Variants in TMEM178B observed in about 807,000 individuals in gnomAD.
TMEM178B encodes the protein transmembrane protein 178B.
A neutral mutation model predicts 31.0 loss-of-function variants in TMEM178B; 5 were observed. The observed-to-expected ratio is 0.16, with a 90% CI of 0.08 to 0.34. The LOEUF is 0.34. Ranked by LOEUF, TMEM178B falls within the 10% of genes least tolerant of loss-of-function variation. TMEM178B has a pLI of 1.00. For synonymous variants in TMEM178B, 164 were observed against 164.0 expected, an observed-to-expected ratio of 1.00 and a Z score of 0.00; for missense variants, 275 against 400.3, an observed-to-expected ratio of 0.69 and a Z score of 2.67.
At chr7:141,390,314 G>T (rs1440032717) in intron 2 of TMEM178B, among the ~76,000 whole-genome samples, 1 of 152,146 alleles carries the variant, frequency 6.6e-6, no homozygotes, top group Non-Finnish European at 1.5e-5. Context: ...GGCACTGGGG[G>T]CTCTAAGCCC....
intron 1 of TMEM178B, among the ~76,000 whole-genome samples, chr7:141,183,884 C>T (rs994025575): frequency 3.3e-5 from 5 of 152,214 alleles, no homozygotes; most frequent in East Asian, 1.9e-4. Flanking sequence ...CCCCGGCATG[C>T]GGCCTCCTTG....
chr7:141,379,321 T>A (rs1800273464), intron 2 of TMEM178B, among the ~76,000 whole-genome samples: 1 of 137,494 alleles, frequency 7.3e-6, no homozygotes, highest in Non-Finnish European at 1.6e-5. Context: ...AAAAAAAAAA[T>A]TAAAATGTAA....
At chr7:141,327,355 T>C (rs1204745259) in intron 2 of TMEM178B, among the ~76,000 whole-genome samples, 1 of 152,216 alleles carries the variant, frequency 6.6e-6, no homozygotes, top group Non-Finnish European at 1.5e-5. Context: ...ACAGCAAAAC[T>C]GAGCAGAAGG....
chr7:141,245,170 CAAAAAAAAAAAAAAAAAAAAAAAAAA>C (rs59281560), intron 2 of TMEM178B, among the ~76,000 whole-genome samples: 9 of 23,094 alleles, frequency 3.9e-4, no homozygotes, highest in Non-Finnish European at 6.8e-4. Context: ...ACTCCATCAC[CAAAAAAAAAAAAAAAAAAAAAAAAAA>C]AAAAAAAAAA....
At chr7:141,275,945 T>C (rs1365148341) in intron 2 of TMEM178B, among the ~76,000 whole-genome samples, 1 of 152,210 alleles carries the variant, frequency 6.6e-6, no homozygotes, top group Non-Finnish European at 1.5e-5. Flanking sequence ...GTTAAGTACA[T>C]ATGGGCACAT....
chr7:141,458,492 A>G (rs1802005516), intron 3 of TMEM178B, among the ~76,000 whole-genome samples: 1 of 152,184 alleles, frequency 6.6e-6, no homozygotes, highest in Non-Finnish European at 1.5e-5. Flanking sequence ...AGCCCACAGA[A>G]TGAAGGGTCC....
chr7:141,331,190 A>G (rs1331751011), intron 2 of TMEM178B, among the ~76,000 whole-genome samples: 1 of 152,242 alleles, frequency 6.6e-6, no homozygotes, highest in African/African-American at 2.4e-5. Flanking sequence ...GACTGGAGAC[A>G]TAAATTTGGG....
intron 1 of TMEM178B, among the ~76,000 whole-genome samples, chr7:141,142,856 T>G (rs4726329): frequency 1.3e-5 from 2 of 152,270 alleles, no homozygotes; most frequent in African/African-American, 4.8e-5. Flanking sequence ...ATAAGCATTG[T>G]CTTTTCTCTG....
the TMEM178B span, among the ~76,000 whole-genome samples, chr7:141,492,089 A>G: frequency 2.6e-4 from 40 of 152,234 alleles, no homozygotes; most frequent in African/African-American, 7.7e-4. Flanking sequence ...GACCTTCCCT[A>G]TTATTGATCC....
At chr7:141,276,183 G>A (rs1798263607) in intron 2 of TMEM178B, among the ~76,000 whole-genome samples, 1 of 152,142 alleles carries the variant, frequency 6.6e-6, no homozygotes, top group Admixed American at 6.5e-5. Context: ...AACTGAGGAA[G>A]GGAGGGTCAT....
chr7:141,277,442 G>A (rs908409840), intron 2 of TMEM178B, among the ~76,000 whole-genome samples: 1 of 152,114 alleles, frequency 6.6e-6, no homozygotes, highest in Non-Finnish European at 1.5e-5. Context: ...AGGTCTTCAG[G>A]GGCAATGGCA....
At chr7:141,108,237 G>A (rs1382985279) in intron 1 of TMEM178B, among the ~76,000 whole-genome samples, 1 of 152,162 alleles carries the variant, frequency 6.6e-6, no homozygotes, top group Non-Finnish European at 1.5e-5. Context: ...AAGGGATTTT[G>A]GGAGAAGGAT....
chr7:141,204,422 G>A (rs563633036), intron 1 of TMEM178B, among the ~76,000 whole-genome samples: 1 of 152,336 alleles, frequency 6.6e-6, no homozygotes, highest in South Asian at 2.1e-4. Flanking sequence ...GGAAGGGAGT[G>A]GAGGTAGGGA....
At chr7:141,401,948 C>T (rs1351757297) in intron 2 of TMEM178B, among the ~76,000 whole-genome samples, 1 of 152,176 alleles carries the variant, frequency 6.6e-6, no homozygotes, top group African/African-American at 2.4e-5. Context: ...AAAGGACCTG[C>T]AATCAGTCCT....
chr7:141,390,113 TA>T (rs1020078004), intron 2 of TMEM178B, among the ~76,000 whole-genome samples: 2 of 150,056 alleles, frequency 1.3e-5, no homozygotes, highest in Middle Eastern at 3.4e-3. Context: ...ATTCCCTTTT[TA>T]AAAAAAAAGA....
chr7:141,101,768 T>C (rs1795061865), intron 1 of TMEM178B, among the ~76,000 whole-genome samples: 2 of 152,218 alleles, frequency 1.3e-5, no homozygotes, highest in Admixed American at 1.3e-4. Context: ...AAAAATTACA[T>C]GTCCAGTGTG....
At chr7:141,297,617 T>G (rs1410223318) in intron 2 of TMEM178B, among the ~76,000 whole-genome samples, 1 of 152,228 alleles carries the variant, frequency 6.6e-6, no homozygotes, top group African/African-American at 2.4e-5. Context: ...TTTGTTTTTC[T>G]GTCCTTGCGA....
In TMEM178B at chr7:141,253,544, C is replaced by CTTTTT. The variant is rs34199017; in HGVS notation, c.496+40859_496+40863dup. Among the ~76,000 whole-genome samples, 637 of 69,968 alleles carry CTTTTT rather than the reference C, an allele frequency of 9.1e-3. 7 individuals carry two copies. The highest frequency in any genetic ancestry group is 0.014 in the East Asian group (27 of 1,890). The allele number at this position is 69,968 out of a possible 152,430, so 45.9% of individuals were successfully genotyped here. Reference sequence around the variant, plus strand: ...TCATTTTAGATACACATTTTCCCTTCTTTTTTTTTTTTTTTTTTTTTTTGA... The same window carrying CTTTTT: ...TCATTTTAGATACACATTTTCCCTTCTTTTTTTTTTTTTTTTTTTTTTTTTTTTGA... On this transcript the variant is annotated intron_variant, in intron 2 of 3. Transcript: ENST00000565468.
intron 1 of TMEM178B, among the ~76,000 whole-genome samples, chr7:141,160,523 A>G (rs1369917512): frequency 6.6e-6 from 1 of 152,104 alleles, no homozygotes; most frequent in African/African-American, 2.4e-5. Context: ...TCTAGGATGG[A>G]TCACGTTGCT....
Sources: gnomAD v4.1 joint callset for allele counts (sites outside exome capture counted in the v4.1 genomes callset) on GRCh38, gnomAD v4.1.1 for gene constraint, MANE v1.5 for transcripts, NCBI Gene and HGNC (gene_info 2026-07-23, HGNC 2026-07-21) for gene names.